CDH13: variants seen among roughly 807,000 people sequenced by gnomAD.
The protein encoded by CDH13 is cadherin-13.
A neutral mutation model predicts 63.8 loss-of-function variants in CDH13; 24 were observed. That is an observed-to-expected ratio of 0.38 (90% CI 0.27 to 0.53). The LOEUF is 0.53. CDH13 is among the 20% of genes least tolerant of loss of function. The probability of loss-of-function intolerance (pLI) is 0.85; values close to 1 mark genes in which losing one functional copy is unlikely to be tolerated. For missense variants in CDH13, 1,049 were observed against 903.1 expected (o/e 1.16, Z -2.07); for synonymous variants, 503 against 355.3 (o/e 1.42, Z -4.67).
chr16:83,680,444 G>C (rs892617707), intron 10 of CDH13, among the ~76,000 whole-genome samples: 6 of 152,178 alleles, frequency 3.9e-5, no homozygotes, highest in Non-Finnish European at 8.8e-5. Flanking sequence ...CATAGGTGCA[G>C]TCCCAGCAAA....
intron 1 of CDH13, among the ~76,000 whole-genome samples, chr16:82,712,249 ACT>A (rs2032006155): frequency 6.6e-6 from 1 of 152,062 alleles, no homozygotes; most frequent in Non-Finnish European, 1.5e-5. Context: ...AATTTATTTT[ACT>A]AATTAGTTAA....
At position 83,405,205 on chromosome 16, in the gene CDH13, A is replaced by T. The variant is rs574076019; in HGVS notation, c.781+60199A>T. ...AAAAAGCAAGATAGAATATGGATAT[A>T]CTAGCTGTGTAAGTAGCTGTGTAAG... is the stretch of plus-strand genomic sequence containing the variant. On this transcript the variant is annotated intron_variant, in intron 6 of 13. Transcript: ENST00000567109. Among the ~76,000 whole-genome samples the T allele has an allele frequency of 4.6e-5, 7 of 152,338 alleles. No homozygotes were observed. In the South Asian group the frequency reaches 1.4e-3, roughly 32 times the overall value.
chr16:83,352,139 C>T (rs1398868048), intron 6 of CDH13, among the ~76,000 whole-genome samples: 3 of 152,156 alleles, frequency 2.0e-5, no homozygotes, highest in African/African-American at 7.2e-5. Flanking sequence ...GAGGAGACAG[C>T]ACTTGAGTTA....
At chr16:82,679,333 GGTT>G (rs1182023872) in intron 1 of CDH13, among the ~76,000 whole-genome samples, 2 of 152,210 alleles carry the variant, frequency 1.3e-5, no homozygotes, top group Non-Finnish European at 2.9e-5. Context: ...CTGGGAACCT[GGTT>G]GTTATATCCA....
intron 8 of CDH13, among the ~76,000 whole-genome samples, chr16:83,627,400 G>C (rs1910410359): frequency 6.6e-6 from 1 of 152,302 alleles, no homozygotes; most frequent in East Asian, 1.9e-4. Context: ...CAGAATTCCT[G>C]AGAGGCCTCT....
At chr16:83,607,641 C>T (rs541440840) in intron 8 of CDH13, among the ~76,000 whole-genome samples, 1 of 152,050 alleles carries the variant, frequency 6.6e-6, no homozygotes. Context: ...TTAAAATTGC[C>T]GCTGATACAT....
intron 5 of CDH13, among the ~76,000 whole-genome samples, chr16:83,343,570 A>G (rs2090774864): frequency 2.0e-5 from 3 of 152,208 alleles, no homozygotes; most frequent in Non-Finnish European, 4.4e-5. Context: ...ACTGGTTTAC[A>G]ATACCATCAG....
At chr16:83,270,617 T>G (rs1049271184) in intron 5 of CDH13, among the ~76,000 whole-genome samples, 9 of 152,316 alleles carry the variant, frequency 5.9e-5, no homozygotes, top group African/African-American at 1.9e-4. Flanking sequence ...GGATCCTGTA[T>G]GTGTGCATGA....
chr16:83,618,802 T>A (rs906323330), intron 8 of CDH13, among the ~76,000 whole-genome samples: 4 of 151,618 alleles, frequency 2.6e-5, no homozygotes. Context: ...ATCGTTAGAG[T>A]GGAGACAGGT....
intron 1 of CDH13, among the ~76,000 whole-genome samples, chr16:82,650,431 T>C (rs148219030): frequency 6.6e-6 from 1 of 152,164 alleles, no homozygotes; most frequent in East Asian, 1.9e-4. Flanking sequence ...TTCCAGAAAG[T>C]CTTATGCTCA....
chr16:83,388,936 A>G (rs2091731709), intron 6 of CDH13, among the ~76,000 whole-genome samples: 1 of 152,190 alleles, frequency 6.6e-6, no homozygotes, highest in Non-Finnish European at 1.5e-5. Context: ...GTTGGTCTAA[A>G]GCACAATTTT....
At chr16:82,651,848 C>T (rs1358105182) in intron 1 of CDH13, among the ~76,000 whole-genome samples, 1 of 152,136 alleles carries the variant, frequency 6.6e-6, no homozygotes, top group African/African-American at 2.4e-5. Flanking sequence ...TGGTCTTGGA[C>T]CTTGGGATTT....
At chr16:83,691,304 G>A (rs563800189) in intron 10 of CDH13, among the ~76,000 whole-genome samples, 15 of 152,268 alleles carry the variant, frequency 9.9e-5, no homozygotes, top group Admixed American at 3.9e-4. Flanking sequence ...GGGAGCACAT[G>A]AGCTGGGTAT....
At chr16:82,640,069 G>C (rs3910231) in intron 1 of CDH13, among the ~76,000 whole-genome samples, 143,086 of 152,302 alleles carry the variant, frequency 0.94, 67,668 homozygotes, top group East Asian at 1. Flanking sequence ...TTTGTGTTCT[G>C]ATAGCAGAGA....
At chr16:83,442,551 A>T (rs1445700894) in intron 6 of CDH13, among the ~76,000 whole-genome samples, 1 of 1,880 alleles carries the variant, frequency 5.3e-4, no homozygotes, top group Non-Finnish European at 3.3e-3. Context: ...TTCACATTGC[A>T]AGTTTTTTTT....
intron 6 of CDH13, among the ~76,000 whole-genome samples, chr16:83,477,517 G>A (rs983319238): frequency 6.6e-6 from 1 of 152,156 alleles, no homozygotes; most frequent in Non-Finnish European, 1.5e-5. Context: ...TGTATCAGGA[G>A]TATATATATC....
At chr16:83,032,575 G>A (rs763957968) in intron 3 of CDH13, among the ~76,000 whole-genome samples, 2 of 152,070 alleles carry the variant, frequency 1.3e-5, no homozygotes, top group Non-Finnish European at 1.5e-5. Flanking sequence ...GCCTCCCAAG[G>A]TGGAGGTCTC....
At chr16:83,567,771 A>AT (rs1904297237) in intron 7 of CDH13, among the ~76,000 whole-genome samples, 1 of 150,886 alleles carries the variant, frequency 6.6e-6, no homozygotes, top group Admixed American at 6.6e-5. Context: ...AATTTTTTGT[A>AT]TTTTTAGTAG....
At chr16:83,756,349 C>T (rs1488771698) in intron 11 of CDH13, among the ~76,000 whole-genome samples, 1 of 152,130 alleles carries the variant, frequency 6.6e-6, no homozygotes, top group Non-Finnish European at 1.5e-5. Context: ...ATACAATAGA[C>T]ACACTTTAAA....
Sources: gnomAD v4.1 joint callset for allele counts (sites outside exome capture counted in the v4.1 genomes callset) on GRCh38, gnomAD v4.1.1 for gene constraint, MANE v1.5 for transcripts, NCBI Gene and HGNC (gene_info 2026-07-23, HGNC 2026-07-21) for gene names.